The following SLC44A5 variants were observed in gnomAD, a reference collection of about 807,000 sequenced individuals.
SLC44A5 encodes the protein choline transporter-like protein 5.
SLC44A5 carries 57 observed loss-of-function variants against 101.8 expected under a neutral mutation model. The observed-to-expected ratio is 0.56, with a 90% confidence interval of 0.45 to 0.70. The LOEUF is 0.70. Ranked by LOEUF, SLC44A5 falls within the 30% of genes least tolerant of loss-of-function variation. SLC44A5 has a pLI of 0.00. For missense variants in SLC44A5, 737 were observed against 853.1 expected, an observed-to-expected ratio of 0.86 and a Z score of 1.70; for synonymous variants, 281 against 290.9, an observed-to-expected ratio of 0.97 and a Z score of 0.35.
the SLC44A5 span, among the ~76,000 whole-genome samples, chr1:75,637,759 G>A: frequency 6.6e-6 from 1 of 151,966 alleles, no homozygotes; most frequent in Non-Finnish European, 1.5e-5. Flanking sequence ...GGGTCAAACT[G>A]GGGGAGTGGA....
At chr1:75,383,117 C>A (rs1661017042) in intron 3 of SLC44A5, among the ~76,000 whole-genome samples, 1 of 28,708 alleles carries the variant, frequency 3.5e-5, no homozygotes, top group Non-Finnish European at 7.4e-5. Context: ...CTTTGTAAAG[C>A]ATTGAGATGT....
the SLC44A5 span, among the ~76,000 whole-genome samples, chr1:75,631,728 C>T: frequency 6.6e-6 from 1 of 151,208 alleles, no homozygotes; most frequent in Non-Finnish European, 1.5e-5. Flanking sequence ...GTAGAGACGG[C>T]GTTTCACCAT....
rs562898591 is a variant in SLC44A5 at position 75,591,249 on chromosome 1, G to C, written c.-70+19791C>G. Among the ~76,000 whole-genome samples the C allele has an allele frequency of 1.6e-4, 24 of 152,218 alleles. No homozygotes were observed. The South Asian group carries it at 5.0e-3, about 32-fold the overall frequency. On this transcript the variant is annotated intron_variant, in intron 1 of 23. Transcript: ENST00000370859. The stretch of plus-strand genomic sequence containing the variant: ...CCCCCTAAGGTGGGAGAAAGTGAGA[G>C]AAATCACCTTCACTAAAAGGAAGAC...
chr1:75,221,916 G>A (rs965315102), intron 14 of SLC44A5, among the ~76,000 whole-genome samples: 8 of 150,058 alleles, frequency 5.3e-5, no homozygotes, highest in African/African-American at 2.0e-4. Context: ...ACTTGAACAA[G>A]TTTTCCTGAA....
chr1:75,259,152 G>A (rs1438665204), intron 6 of SLC44A5, among the ~76,000 whole-genome samples: 1 of 152,128 alleles, frequency 6.6e-6, no homozygotes. Context: ...TCGCCAGCAA[G>A]GCAACAAAAC....
intron 2 of SLC44A5, among the ~76,000 whole-genome samples, chr1:75,474,574 C>A (rs550970821): frequency 6.6e-6 from 1 of 152,096 alleles, no homozygotes; most frequent in Non-Finnish European, 1.5e-5. Flanking sequence ...AAGACATTTA[C>A]GTGTAATGTT....
Position 75,534,458 on chromosome 1 carries a change from A to G in SLC44A5, c.13+6977T>C, listed in dbSNP as rs145916523. Among the ~76,000 whole-genome samples the G allele has an allele frequency of 1.7e-3, 257 of 152,318 alleles. 1 individual carries two copies. The highest frequency in any genetic ancestry group is 5.8e-3 in the African/African-American group (243 of 41,578). On this transcript the variant is annotated intron_variant, in intron 2 of 23. Coordinates refer to ENST00000370859, the MANE Select transcript of SLC44A5 (RefSeq NM_001130058.2). Reference sequence around the variant, plus strand: ...CTAAAGCAATCAAAACATAAGAAGCAAACCTTTGACAGAGAGTTTTCATAC... The same window carrying G: ...CTAAAGCAATCAAAACATAAGAAGCGAACCTTTGACAGAGAGTTTTCATAC...
chr1:75,449,029 A>T (rs896149520), intron 2 of SLC44A5, among the ~76,000 whole-genome samples: 5 of 152,132 alleles, frequency 3.3e-5, no homozygotes, highest in African/African-American at 1.2e-4. Flanking sequence ...CATCCCTCTG[A>T]CAAGAATATT....
chr1:75,312,697 T>G (rs2100921359), intron 4 of SLC44A5, among the ~76,000 whole-genome samples: 1 of 150,978 alleles, frequency 6.6e-6, no homozygotes, highest in East Asian at 1.9e-4. Flanking sequence ...CTATTCATTA[T>G]TATATATATA....
At chr1:75,277,918 G>C (rs1570548918) in intron 5 of SLC44A5, among the ~76,000 whole-genome samples, 1 of 152,020 alleles carries the variant, frequency 6.6e-6, no homozygotes, top group East Asian at 1.9e-4. Flanking sequence ...TGAGCTGAAA[G>C]CTACAAAAAA....
rs188632646 is a variant in SLC44A5, at chr1:75,318,148, G to A, written c.102-17463C>T. 4.0e-3 allele frequency among the ~76,000 whole-genome samples: 616 copies of A among 152,192 alleles called. 5 individuals are homozygous for A. Among genetic ancestry groups the A allele is most frequent in the African/African-American group, 0.014 (592 of 41,530 alleles). ...TTCCAGCAACTTGGGAGGCCAAGGT[G>A]GGAGGATCACTTGAGGCCATAGTTT... On this transcript the variant is annotated intron_variant, in intron 4 of 23. Transcript: ENST00000370859.
chr1:75,660,786 T>C, the SLC44A5 span, among the ~76,000 whole-genome samples: 5 of 152,012 alleles, frequency 3.3e-5, no homozygotes, highest in Non-Finnish European at 5.9e-5. Context: ...ATGAAAACTA[T>C]AAAACACTGA....
chr1:75,261,622 C>CT (rs1650513101), intron 6 of SLC44A5, among the ~76,000 whole-genome samples: 1 of 152,118 alleles, frequency 6.6e-6, no homozygotes, highest in Non-Finnish European at 1.5e-5. Context: ...CCTTCTGAAA[C>CT]TATTTCAAAC....
At chr1:75,640,745 G>C in the SLC44A5 span, among the ~76,000 whole-genome samples, 1 of 152,076 alleles carries the variant, frequency 6.6e-6, no homozygotes, top group African/African-American at 2.4e-5. Context: ...AAGTAGAGTT[G>C]TGCCTTCTGA....
intron 3 of SLC44A5, among the ~76,000 whole-genome samples, chr1:75,373,401 C>A (rs1394538583): frequency 6.6e-6 from 1 of 152,030 alleles, no homozygotes; most frequent in Non-Finnish European, 1.5e-5. Context: ...CCTCTGGGAT[C>A]CTAGAGACAA....
chr1:75,215,484 A>AT (rs970284475), intron 19 of SLC44A5, among the ~76,000 whole-genome samples: 6 of 152,160 alleles, frequency 3.9e-5, no homozygotes, highest in African/African-American at 7.2e-5. Flanking sequence ...ACACAAAACC[A>AT]TTTTTTATCC....
chr1:75,387,004 C>G (rs988350458), intron 3 of SLC44A5, among the ~76,000 whole-genome samples: 3 of 151,634 alleles, frequency 2.0e-5, no homozygotes, highest in African/African-American at 7.3e-5. Context: ...ACTGGCTAGC[C>G]ATATGTAGAA....
Position 75,472,411 on chromosome 1 carries a change from G to GA in SLC44A5, c.13+69023dup, listed in dbSNP as rs921999199. ...AGGGTTCATTAATCTCAACAAGCCT[G>GA]AAAAAAAATAAATTTTCATGTTCTT... is the stretch of plus-strand genomic sequence containing the variant. On this transcript the variant is annotated intron_variant, in intron 2 of 23. Coordinates refer to ENST00000370859, the MANE Select transcript of SLC44A5 (RefSeq NM_001130058.2). Among the ~76,000 whole-genome samples, 23 of 151,868 alleles carry GA rather than the reference G, an allele frequency of 1.5e-4. No homozygotes were observed. The East Asian group carries it at 4.1e-3, about 27-fold the overall frequency.
At chr1:75,323,188 G>A (rs1345385654) in intron 4 of SLC44A5, among the ~76,000 whole-genome samples, 1 of 149,356 alleles carries the variant, frequency 6.7e-6, no homozygotes, top group South Asian at 2.2e-4. Flanking sequence ...GAGAATATGC[G>A]GTGTTTGGTT....
Sources: allele counts gnomAD v4.1 joint callset (sites outside exome capture counted in the v4.1 genomes callset), GRCh38; gene constraint gnomAD v4.1.1; transcripts MANE v1.5; gene names NCBI Gene and HGNC (gene_info 2026-07-23, HGNC 2026-07-21).